The following EPHA3 variants were observed in gnomAD, a reference collection of about 807,000 sequenced individuals.
The protein encoded by EPHA3 is ephrin type-A receptor 3.
Under a neutral mutation model 107.1 loss-of-function variants are expected in EPHA3, and 42 were observed. That is an observed-to-expected ratio of 0.39 (90% CI 0.31 to 0.51). The LOEUF is 0.51. Among genes scored for constraint, EPHA3 ranks in the 20% least tolerant of loss-of-function variants. EPHA3 has a pLI of 0.78. For missense variants in EPHA3, 1,183 were observed against 1,211.2 expected (o/e 0.98, Z 0.35); for synonymous variants, 461 against 424.8 (o/e 1.09, Z -1.05).
At chr3:89,290,604 G>A (rs182061776) in intron 3 of EPHA3, among the ~76,000 whole-genome samples, 10 of 152,190 alleles carry the variant, frequency 6.6e-5, no homozygotes, top group African/African-American at 1.4e-4. Flanking sequence ...TTATGTGTTT[G>A]GTTAACAGTA....
Position 89,480,671 on chromosome 3 carries a change from G to C in EPHA3, c.*1169G>C. 4.3e-6 allele frequency: 1 copy of C among 231,718 alleles called. No homozygotes were observed. The highest frequency in any genetic ancestry group is 2.2e-5 in the African/African-American group (1 of 45,296). The allele number at this position is 231,718 out of a possible 1,614,324, so 14.4% of individuals were successfully genotyped here. A position where few individuals can be genotyped will look rare whatever the true frequency, so the allele number is the denominator to read the frequency against. ...TGGCTTTGAAAAGTCACTTACTATTGTTGCTGAAACTTGCTGAGCTGTTTA... is the reference window on the plus strand; with the variant it reads ...TGGCTTTGAAAAGTCACTTACTATTCTTGCTGAAACTTGCTGAGCTGTTTA... On this transcript the variant is annotated 3_prime_UTR_variant, in exon 17 of 17. Coordinates refer to ENST00000336596, the MANE Select transcript of EPHA3 (RefSeq NM_005233.6).
At chr3:89,357,013 C>G (rs983011112) in intron 5 of EPHA3, among the ~76,000 whole-genome samples, 8 of 133,892 alleles carry the variant, frequency 6.0e-5, no homozygotes, top group Admixed American at 2.6e-4. Flanking sequence ...AAGGCTGAGG[C>G]AGGAGAATAC....
At position 89,480,521 on chromosome 3, in the gene EPHA3, G is replaced by A. The variant is rs532256575; in HGVS notation, c.*1019G>A. ...AACTCCCTCCTTTAGTGAAGGAGCC[G>A]TGTTAGAGCTTCCGAGAATAGCTCC... On this transcript the variant is annotated 3_prime_UTR_variant, in exon 17 of 17. Transcript: ENST00000336596. 23 of 232,982 alleles carry A rather than the reference G, an allele frequency of 9.9e-5. No individual in the cohort carries two copies. The highest frequency in any genetic ancestry group is 1.3e-4 in the Non-Finnish European group (15 of 117,762). 14.4% of individuals were successfully genotyped at this position (232,982 alleles called of 1,614,324 possible). A position where few individuals can be genotyped will look rare whatever the true frequency, so the allele number is the denominator to read the frequency against.
At chr3:89,318,293 C>T (rs1026252959) in intron 3 of EPHA3, among the ~76,000 whole-genome samples, 1 of 151,746 alleles carries the variant, frequency 6.6e-6, no homozygotes, top group African/African-American at 2.4e-5. Context: ...CTGTCTTTTT[C>T]CTGAGACAAA....
At chr3:89,451,827 T>C (rs1490906129) in intron 15 of EPHA3, among the ~76,000 whole-genome samples, 2 of 152,044 alleles carry the variant, frequency 1.3e-5, no homozygotes. Context: ...GTTCAATGCA[T>C]GGGAAATTCC....
At chr3:89,305,790 T>C (rs1468720110) in intron 3 of EPHA3, among the ~76,000 whole-genome samples, 2 of 152,182 alleles carry the variant, frequency 1.3e-5, no homozygotes, top group Admixed American at 6.6e-5. Flanking sequence ...TACTTGGCCC[T>C]ATTTTATAAT....
At chr3:89,117,698 C>A (rs1707288775) in intron 1 of EPHA3, among the ~76,000 whole-genome samples, 1 of 151,974 alleles carries the variant, frequency 6.6e-6, no homozygotes, top group Non-Finnish European at 1.5e-5. Flanking sequence ...CTTTTGACCT[C>A]ATTATGGCAT....
intron 15 of EPHA3, among the ~76,000 whole-genome samples, chr3:89,469,138 T>C (rs973539227): frequency 1.3e-5 from 2 of 152,150 alleles, no homozygotes; most frequent in African/African-American, 4.8e-5. Context: ...AATTATAAAC[T>C]CCATAATTAA....
chr3:89,440,458 T>C (rs1396282939), intron 13 of EPHA3, among the ~76,000 whole-genome samples: 1 of 152,212 alleles, frequency 6.6e-6, no homozygotes, highest in African/African-American at 2.4e-5. Flanking sequence ...AGCTATGTGA[T>C]ATTATGCCTC....
At chr3:89,255,457 C>A (rs946229887) in intron 3 of EPHA3, among the ~76,000 whole-genome samples, 2 of 152,074 alleles carry the variant, frequency 1.3e-5, no homozygotes, top group Non-Finnish European at 2.9e-5. Flanking sequence ...TATTGAAACA[C>A]CGACATGTTA....
intron 2 of EPHA3, among the ~76,000 whole-genome samples, chr3:89,172,028 C>T (rs774040911): frequency 1.3e-5 from 2 of 152,044 alleles, no homozygotes; most frequent in African/African-American, 2.4e-5. Context: ...CGTAACCAAC[C>T]GCCCCTTCTT....
At chr3:89,140,192 A>C (rs995279438) in intron 2 of EPHA3, among the ~76,000 whole-genome samples, 1 of 151,868 alleles carries the variant, frequency 6.6e-6, no homozygotes, top group African/African-American at 2.4e-5. Flanking sequence ...TCAAAGATTA[A>C]TCTAAATCTG....
At chr3:89,339,110 C>G (rs1359373160) in intron 3 of EPHA3, among the ~76,000 whole-genome samples, 1 of 152,118 alleles carries the variant, frequency 6.6e-6, no homozygotes, top group Admixed American at 6.5e-5. Context: ...CGGTGACTCA[C>G]GCCTGTAATC....
chr3:89,362,028 A>C (rs1425726273), intron 5 of EPHA3, among the ~76,000 whole-genome samples: 1 of 151,150 alleles, frequency 6.6e-6, no homozygotes, highest in African/African-American at 2.4e-5. Context: ...ATTTGAAGGT[A>C]ATAAAGACTC....
intron 3 of EPHA3, among the ~76,000 whole-genome samples, chr3:89,309,071 G>A (rs1241856132): frequency 6.6e-6 from 1 of 152,054 alleles, no homozygotes; most frequent in African/African-American, 2.4e-5. Context: ...GATGAAGAAA[G>A]TAGTGAAAGT....
chr3:89,350,406 C>T (rs1437505892), intron 5 of EPHA3, among the ~76,000 whole-genome samples: 4 of 151,522 alleles, frequency 2.6e-5, no homozygotes, highest in African/African-American at 9.7e-5. Context: ...CAGTTGATCA[C>T]ATCGTCTCCT....
At chr3:89,320,911 T>A (rs76693751) in intron 3 of EPHA3, among the ~76,000 whole-genome samples, 2,322 of 152,154 alleles carry the variant, frequency 0.015, 45 homozygotes, top group African/African-American at 0.052. Context: ...TAAGACAGAA[T>A]CAATATCATC....
chr3:89,350,109 C>G (rs1046973819), intron 5 of EPHA3, among the ~76,000 whole-genome samples: 1 of 150,866 alleles, frequency 6.6e-6, no homozygotes, highest in Non-Finnish European at 1.5e-5. Context: ...AGTTGCTCTT[C>G]TCGAGGAGTA....
At chr3:89,314,290 G>T (rs1312665441) in intron 3 of EPHA3, among the ~76,000 whole-genome samples, 3 of 151,852 alleles carry the variant, frequency 2.0e-5, no homozygotes, top group African/African-American at 7.2e-5. Context: ...TAAAGTTTCT[G>T]ATCAGTATTT....
Sources: gnomAD v4.1 joint callset for allele counts (sites outside exome capture counted in the v4.1 genomes callset) on GRCh38, gnomAD v4.1.1 for gene constraint, MANE v1.5 for transcripts, NCBI Gene and HGNC (gene_info 2026-07-23, HGNC 2026-07-21) for gene names.